The following CDH18 variants were observed in gnomAD, a reference collection of about 807,000 sequenced individuals.
CDH18 encodes the protein cadherin-18.
CDH18 carries 31 observed loss-of-function variants against 67.9 expected under a neutral mutation model. That is an observed-to-expected ratio of 0.46 (90% CI 0.34 to 0.62). The LOEUF is 0.62. CDH18 is among the 20% of genes least tolerant of loss of function. CDH18 has a pLI of 0.01. For missense variants in CDH18, 890 were observed against 975.5 expected, an observed-to-expected ratio of 0.91 and a Z score of 1.17; for synonymous variants, 362 against 347.2, an observed-to-expected ratio of 1.04 and a Z score of -0.48.
At chr5:20,373,642 T>TATAAATAA (rs34470344) in intron 1 of CDH18, among the ~76,000 whole-genome samples, 7,163 of 150,426 alleles carry the variant, frequency 0.048, 534 homozygotes, top group African/African-American at 0.16. Context: ...GAAAAATAAA[T>TATAAATAA]ATAAATAAAT....
At chr5:19,927,044 T>C (rs1793168509) in intron 2 of CDH18, among the ~76,000 whole-genome samples, 2 of 152,182 alleles carry the variant, frequency 1.3e-5, no homozygotes, top group Admixed American at 6.5e-5. Flanking sequence ...CTGTTGGCCT[T>C]GACAGTGTCG....
At chr5:20,076,715 T>C (rs1405642403) in intron 2 of CDH18, among the ~76,000 whole-genome samples, 6 of 152,200 alleles carry the variant, frequency 3.9e-5, no homozygotes, top group Non-Finnish European at 5.9e-5. Context: ...AGTTCGCATT[T>C]CTGTCTTTGT....
intron 2 of CDH18, among the ~76,000 whole-genome samples, chr5:19,914,539 G>GTA (rs1054194639): frequency 6.6e-6 from 1 of 151,778 alleles, no homozygotes; most frequent in African/African-American, 2.4e-5. Context: ...ACATATATGT[G>GTA]TATATATATA....
intron 2 of CDH18, among the ~76,000 whole-genome samples, chr5:20,037,105 C>T (rs951073787): frequency 1.3e-5 from 2 of 151,974 alleles, no homozygotes; most frequent in Admixed American, 6.6e-5. Flanking sequence ...GAGCATTTAG[C>T]CCGTTTACAT....
chr5:20,020,624 G>A (rs569998482), intron 2 of CDH18, among the ~76,000 whole-genome samples: 1 of 152,242 alleles, frequency 6.6e-6, no homozygotes, highest in East Asian at 1.9e-4. Flanking sequence ...AGCTTTCATG[G>A]CCTCCACATA....
At chr5:20,279,428 G>C (rs527565894) in intron 1 of CDH18, among the ~76,000 whole-genome samples, 7 of 151,924 alleles carry the variant, frequency 4.6e-5, no homozygotes, top group Non-Finnish European at 7.4e-5. Flanking sequence ...GCTGGGCACC[G>C]TGGCTCATGC....
intron 8 of CDH18, among the ~76,000 whole-genome samples, chr5:19,558,602 T>A (rs1365356822): frequency 6.6e-6 from 1 of 151,364 alleles, no homozygotes; most frequent in Non-Finnish European, 1.5e-5. Flanking sequence ...AGGAAAAAAA[T>A]ATAAACTCTG....
intron 1 of CDH18, among the ~76,000 whole-genome samples, chr5:20,266,102 G>A (rs995320061): frequency 1.3e-5 from 2 of 152,154 alleles, no homozygotes; most frequent in Admixed American, 1.3e-4. Flanking sequence ...CTGGTTCTCA[G>A]GCTTCTGGGT....
chr5:20,363,667 T>C (rs935383895), intron 1 of CDH18, among the ~76,000 whole-genome samples: 1 of 151,864 alleles, frequency 6.6e-6, no homozygotes, highest in Admixed American at 6.6e-5. Flanking sequence ...TTCTTTTGTC[T>C]GCCTTCTGCA....
rs575239844 is a variant in CDH18, at chr5:20,544,269, T to C, written c.-580+31193A>G. ...GGAAGATTGCATGCATGTGGGTTAA[T>C]AGAGGAAGATAGAATTCAAATGCAA... On this transcript the variant is annotated intron_variant, in intron 1 of 14. Transcript: ENST00000507958. Among the ~76,000 whole-genome samples, 14 of 152,144 alleles carry C rather than the reference T, an allele frequency of 9.2e-5. No homozygotes were observed. In the South Asian group the frequency reaches 2.7e-3, roughly 29 times the overall value.
chr5:19,896,324 G>A (rs1256388591), intron 2 of CDH18, among the ~76,000 whole-genome samples: 1 of 151,894 alleles, frequency 6.6e-6, no homozygotes, highest in Admixed American at 6.6e-5. Flanking sequence ...ACTCGAGCCT[G>A]GGCAACAAGA....
intron 1 of CDH18, among the ~76,000 whole-genome samples, chr5:20,428,747 A>C (rs1748516683): frequency 6.6e-6 from 1 of 152,264 alleles, no homozygotes; most frequent in East Asian, 1.9e-4. Context: ...TTACAATAAG[A>C]CGTATATAAG....
intron 1 of CDH18, among the ~76,000 whole-genome samples, chr5:20,410,296 G>A (rs1746657443): frequency 6.6e-6 from 1 of 151,632 alleles, no homozygotes; most frequent in Non-Finnish European, 1.5e-5. Context: ...ATGATTAAAT[G>A]GGACTTATCT....
At chr5:19,550,760 A>G (rs922024704) in intron 8 of CDH18, among the ~76,000 whole-genome samples, 45 of 152,226 alleles carry the variant, frequency 3.0e-4, no homozygotes, top group African/African-American at 9.9e-4. Flanking sequence ...ATGATTTATA[A>G]TCCTTTGGGT....
At chr5:20,075,498 C>T (rs1743848156) in intron 2 of CDH18, among the ~76,000 whole-genome samples, 1 of 149,850 alleles carries the variant, frequency 6.7e-6, no homozygotes, top group Non-Finnish European at 1.5e-5. Context: ...ATAGACTCTG[C>T]CTCAAAACAA....
At chr5:20,182,292 C>T (rs1294356510) in intron 2 of CDH18, among the ~76,000 whole-genome samples, 1 of 151,642 alleles carries the variant, frequency 6.6e-6, no homozygotes, top group Non-Finnish European at 1.5e-5. Context: ...TTTGAATGTC[C>T]CCAAAATTTA....
At chr5:19,850,223 C>G (rs962976697) in intron 2 of CDH18, among the ~76,000 whole-genome samples, 1 of 151,906 alleles carries the variant, frequency 6.6e-6, no homozygotes, top group African/African-American at 2.4e-5. Context: ...TATATAGATA[C>G]ACCATTTCAG....
At chr5:19,623,346 A>T (rs1327489537) in intron 5 of CDH18, among the ~76,000 whole-genome samples, 1 of 152,218 alleles carries the variant, frequency 6.6e-6, no homozygotes, top group Non-Finnish European at 1.5e-5. Context: ...TATTGAGATT[A>T]TCTATGCTAT....
chr5:19,492,736 ATATAT>A (rs1561188970), intron 11 of CDH18, among the ~76,000 whole-genome samples: 1 of 151,844 alleles, frequency 6.6e-6, no homozygotes, highest in Non-Finnish European at 1.5e-5. Context: ...ATTTTACAAT[ATATAT>A]TATAAAAGAA....
Sources: allele counts gnomAD v4.1 joint callset (sites outside exome capture counted in the v4.1 genomes callset), GRCh38; gene constraint gnomAD v4.1.1; transcripts MANE v1.5; gene names NCBI Gene and HGNC (gene_info 2026-07-23, HGNC 2026-07-21).